Variants in PRDM4 observed in about 807,000 individuals in gnomAD.
PRDM4 encodes the protein PR/SET domain 4.
PRDM4 carries 38 observed loss-of-function variants against 62.3 expected under a neutral mutation model. The observed-to-expected ratio is 0.61, with a 90% CI of 0.47 to 0.80. PRDM4 has a LOEUF of 0.80. Ranked by LOEUF, PRDM4 falls within the 30% of genes least tolerant of loss-of-function variation. The pLI, the probability that PRDM4 is intolerant of heterozygous loss-of-function variation, is 0.00. For missense variants in PRDM4, 858 were observed against 997.1 expected (o/e 0.86, Z 1.88); for synonymous variants, 339 against 348.2 (o/e 0.97, Z 0.30).
intron 8 of PRDM4, 63 bp from the exon 9 acceptor site, chr12:107,742,411 T>C: frequency 1.3e-6 from 2 of 1,534,050 alleles, no homozygotes; most frequent in South Asian, 2.3e-5. Flanking sequence ...AGTACAACAT[T>C]CCCCCATTGC....
intron 4 of PRDM4, 97 bp from the exon 5 acceptor site, chr12:107,752,306 C>A: frequency 1.2e-6 from 1 of 839,962 alleles, no homozygotes; most frequent in Non-Finnish European, 1.9e-6. Context: ...TAACTAAGTT[C>A]AAATAATCTC....
chr12:107,752,750 T>C (rs928784529), intron 4 of PRDM4, among the ~76,000 whole-genome samples: 3 of 152,182 alleles, frequency 2.0e-5, no homozygotes, highest in African/African-American at 4.8e-5. Context: ...CTAAAACTTC[T>C]TTGTGAAGCA....
intron 10 of PRDM4, among the ~76,000 whole-genome samples, chr12:107,740,577 G>A (rs1354800966): frequency 6.6e-6 from 1 of 152,114 alleles, no homozygotes; most frequent in Non-Finnish European, 1.5e-5. Flanking sequence ...AAAATAAACT[G>A]TGGCAATATT....
chr12:107,735,522 A>G (rs1045750043), intron 11 of PRDM4, among the ~76,000 whole-genome samples: 1 of 151,820 alleles, frequency 6.6e-6, no homozygotes, highest in Non-Finnish European at 1.5e-5. Flanking sequence ...CTCTATGGGG[A>G]CATTTGGCAA....
Position 107,734,159 on chromosome 12 carries a change from G to A in PRDM4, c.*51C>T, listed in dbSNP as rs375215311. 1.6e-5 allele frequency: 24 copies of A among 1,508,136 alleles called. No individual in the cohort carries two copies. The African/African-American group carries it at 2.0e-4, about 12-fold the overall frequency. 93.4% of individuals were successfully genotyped at this position (1,508,136 alleles called of 1,614,324 possible). A position where few individuals can be genotyped will look rare whatever the true frequency, so the allele number is the denominator to read the frequency against. ...ACCATTATAGTAGATAACTGGTTATGTGTATTTTTCCATTTGCATTTTCAT... is the reference window on the plus strand; with the variant it reads ...ACCATTATAGTAGATAACTGGTTATATGTATTTTTCCATTTGCATTTTCAT... On this transcript the variant is annotated 3_prime_UTR_variant, in exon 12 of 12. Coordinates refer to ENST00000228437, the MANE Select transcript of PRDM4 (RefSeq NM_012406.4).
intron 2 of PRDM4, among the ~76,000 whole-genome samples, chr12:107,757,283 T>C (rs952695875): frequency 6.6e-6 from 1 of 152,216 alleles, no homozygotes; most frequent in Non-Finnish European, 1.5e-5. Flanking sequence ...AATGACAGTT[T>C]TTTTTTAAAT....
intron 11 of PRDM4, chr12:107,738,637 G>A (rs1202482179): frequency 6.6e-6 from 1 of 152,062 alleles, no homozygotes; most frequent in African/African-American, 2.4e-5. Flanking sequence ...AATTACACTT[G>A]GATTCATGCA....
intron 6 of PRDM4, among the ~76,000 whole-genome samples, chr12:107,744,928 C>T (rs1371399381): frequency 2.6e-5 from 4 of 152,140 alleles, no homozygotes; most frequent in African/African-American, 4.8e-5. Context: ...GGCGTGGTGG[C>T]GCACGCCTGT....
At chr12:107,739,127 G>T in intron 11 of PRDM4, 1 of 380,156 alleles carries the variant, frequency 2.6e-6, no homozygotes, top group Non-Finnish European at 4.8e-6. Context: ...TTGTCTCTAG[G>T]TTTTTGTAGA....
chr12:107,744,397 T>C (rs774751846), intron 7 of PRDM4, 146 bp downstream of exon 7: 5 of 928,358 alleles, frequency 5.4e-6, no homozygotes, highest in Non-Finnish European at 6.3e-6. Flanking sequence ...GAATGTAACA[T>C]TTAAAAAAAT....
chr12:107,743,161 T>C (rs368528393), intron 8 of PRDM4, 36 bp downstream of exon 8: 3 of 1,485,366 alleles, frequency 2.0e-6, no homozygotes, highest in African/African-American at 1.4e-5. Context: ...AACATCTAAA[T>C]GGTAACTATT....
Position 107,752,044 on chromosome 12 carries a change from T to G in PRDM4, c.497A>C (p.Asp166Ala). The G allele has an allele frequency of 1.9e-6, 3 of 1,613,950 alleles. No homozygotes were observed. The South Asian group carries it at 3.3e-5, about 18-fold the overall frequency. Reference protein sequence around the residue: ...VGLEPGIVSIDSRSVNTHGAQ... With the variant: ...VGLEPGIVSIASRSVNTHGAQ... ...ACCATGTGTGTTCACAGAGCGAGAG[T>G]CTATTGAAACAATGCCTGGTTCTAA... Residue 166 changes from aspartate to alanine, a missense_variant, in exon 5 of 12, where the codon GAC becomes GCC. Asp to Ala is a moderately radical substitution (Grantham distance 126). Coordinates refer to ENST00000228437, the MANE Select transcript of PRDM4 (RefSeq NM_012406.4).
At position 107,734,074 on chromosome 12, in the gene PRDM4, T is replaced by A; in HGVS notation, c.*136A>T. On this transcript the variant is annotated 3_prime_UTR_variant, in exon 12 of 12. Coordinates refer to ENST00000228437, the MANE Select transcript of PRDM4 (RefSeq NM_012406.4). ...GGATACTCTTCTGTAAGTGCTTTATTCATTCCCAGTCTGTTTTGATTACTG... is the reference window on the plus strand; with the variant it reads ...GGATACTCTTCTGTAAGTGCTTTATACATTCCCAGTCTGTTTTGATTACTG... The A allele has an allele frequency of 1.1e-6, 1 of 872,078 alleles. No individual in the cohort carries two copies. The allele number at this position is 872,078 out of a possible 1,614,324, so 54.0% of individuals were successfully genotyped here.
At chr12:107,739,574 C>A in intron 10 of PRDM4, 23 bp from the exon 11 acceptor site, 5 of 1,602,848 alleles carry the variant, frequency 3.1e-6, no homozygotes, top group Non-Finnish European at 3.4e-6. Flanking sequence ...CAAAGTATTA[C>A]ACCGTGAAGA....
intron 3 of PRDM4, among the ~76,000 whole-genome samples, chr12:107,756,054 C>T (rs932599680): frequency 1.1e-4 from 16 of 152,198 alleles, no homozygotes; most frequent in African/African-American, 3.9e-4. Context: ...CGTGCCATTG[C>T]ACTCCACCTT....
intron 5 of PRDM4, among the ~76,000 whole-genome samples, chr12:107,747,550 GTCTT>G (rs1466588941): frequency 6.6e-6 from 1 of 152,006 alleles, no homozygotes; most frequent in Non-Finnish European, 1.5e-5. Context: ...TTTTCATATG[GTCTT>G]TCTTTCTGCA....
chr12:107,745,807 C>T (rs1890682910), intron 6 of PRDM4, among the ~76,000 whole-genome samples: 1 of 152,110 alleles, frequency 6.6e-6, no homozygotes, highest in Admixed American at 6.6e-5. Flanking sequence ...ACTCAGAAGC[C>T]ATGCTAAATT....
Position 107,733,385 on chromosome 12 carries a change from G to A in PRDM4, c.*825C>T, listed in dbSNP as rs1890229822. 1 of 134,886 alleles carries A rather than the reference G, an allele frequency of 7.4e-6. No individual in the cohort carries two copies. Among genetic ancestry groups the A allele is most frequent in the African/African-American group, 2.4e-5 (1 of 41,030 alleles). The allele number at this position is 134,886 out of a possible 1,614,324, so 8.4% of individuals were successfully genotyped here. The stretch of plus-strand genomic sequence containing the variant: ...GTACTCATCAGGAGACAATCCAGCA[G>A]GCATTATTTGGGCTCTCTGTATCTC... On this transcript the variant is annotated 3_prime_UTR_variant, in exon 12 of 12. Coordinates refer to ENST00000228437, the MANE Select transcript of PRDM4 (RefSeq NM_012406.4).
At chr12:107,739,273 G>A (rs887868375) in intron 11 of PRDM4, 110 bp downstream of exon 11, 160 of 1,237,138 alleles carry the variant, frequency 1.3e-4, no homozygotes, top group Non-Finnish European at 1.7e-4. Flanking sequence ...TGGTACCAAG[G>A]CATGAAACAG....
Sources: gnomAD v4.1 joint callset for allele counts (sites outside exome capture counted in the v4.1 genomes callset) on GRCh38, gnomAD v4.1.1 for gene constraint, MANE v1.5 for transcripts, NCBI Gene and HGNC (gene_info 2026-07-23, HGNC 2026-07-21) for gene names.